The following SRPK1 variants were observed in gnomAD, a reference collection of about 807,000 sequenced individuals.
SRPK1 encodes the protein SRSF protein kinase 1.
A neutral mutation model predicts 89.5 loss-of-function variants in SRPK1; 52 were observed. The observed-to-expected ratio is 0.58, with a 90% CI of 0.46 to 0.73. The LOEUF is 0.73. Ranked by LOEUF, SRPK1 falls within the 30% of genes least tolerant of loss-of-function variation. The probability of loss-of-function intolerance (pLI) is 0.00; values close to 1 mark genes in which losing one functional copy is unlikely to be tolerated. For missense variants in SRPK1, 603 were observed against 780.6 expected (o/e 0.77, Z 2.71); for synonymous variants, 255 against 270.2 (o/e 0.94, Z 0.55).
At chr6:35,862,102 C>G (rs558301613) in intron 12 of SRPK1, among the ~76,000 whole-genome samples, 24 of 151,698 alleles carry the variant, frequency 1.6e-4, no homozygotes, top group African/African-American at 4.4e-4. Flanking sequence ...AACAACAACA[C>G]AGACTGCTTG....
In SRPK1 at chr6:35,864,500, T is replaced by C. The variant is rs114826798; in HGVS notation, c.1512+4510A>G. On this transcript the variant is annotated intron_variant, in intron 12 of 15. Transcript: ENST00000373825. ...AAGGCAAATCAAAGCTACAAGAGCA[T>C]CTCACCCCAGTTAAAATGGCTTACG... Among the ~76,000 whole-genome samples, 1,059 of 152,214 alleles carry C rather than the reference T, an allele frequency of 7.0e-3. 10 individuals are homozygous for C. Among genetic ancestry groups the C allele is most frequent in the African/African-American group, 0.02 (827 of 41,532 alleles).
chr6:35,913,860 C>T (rs113974609), intron 2 of SRPK1, among the ~76,000 whole-genome samples: 2,374 of 151,096 alleles, frequency 0.016, 24 homozygotes, highest in Middle Eastern at 0.038. Context: ...GACAAATTTG[C>T]CACGGTTTTA....
At chr6:35,848,522 A>G (rs1018306075) in intron 13 of SRPK1, among the ~76,000 whole-genome samples, 1 of 152,226 alleles carries the variant, frequency 6.6e-6, no homozygotes, top group Non-Finnish European at 1.5e-5. Flanking sequence ...GCGCCACTGC[A>G]CTCCAGCCTG....
chr6:35,886,631 T>A, intron 6 of SRPK1, 93 bp downstream of exon 6: 1 of 748,808 alleles, frequency 1.3e-6, no homozygotes, highest in South Asian at 1.5e-5. Context: ...TAGTTTGCCT[T>A]AGAAAAGACA....
chr6:35,898,132 T>C (rs376500720), intron 2 of SRPK1, among the ~76,000 whole-genome samples: 220 of 145,268 alleles, frequency 1.5e-3, no homozygotes, highest in South Asian at 4.9e-3. Context: ...TAAGTACCCA[T>C]TGATCAACAA....
rs899743618 is a variant in SRPK1 at position 35,892,681 on chromosome 6, A to AACG, written c.75-1669_75-1668insCGT. The stretch of plus-strand genomic sequence containing the variant: ...CAACAACAACAACAACAACAACAAC[A>AACG]ACAACAACGACAACAACACAAAACA... On this transcript the variant is annotated intron_variant, in intron 2 of 15. Transcript: ENST00000373825. 3.5e-5 allele frequency among the ~76,000 whole-genome samples: 5 copies of AACG among 141,254 alleles called. No homozygotes were observed. In the South Asian group the frequency reaches 7.1e-4, roughly 20 times the overall value. 92.7% of individuals were successfully genotyped at this position (141,254 alleles called of 152,430 possible). A position where few individuals can be genotyped will look rare whatever the true frequency, so the allele number is the denominator to read the frequency against.
chr6:35,894,667 C>T (rs1157240172), intron 2 of SRPK1, among the ~76,000 whole-genome samples: 1 of 152,116 alleles, frequency 6.6e-6, no homozygotes, highest in Non-Finnish European at 1.5e-5. Flanking sequence ...AGTAATTAGA[C>T]TGTCATCATC....
chr6:35,870,441 G>A lies in SRPK1; in HGVS notation c.831C>T (p.Arg277=). Residue 277 remains arginine (R), a synonymous_variant, in exon 10 of 16, where the codon CGC becomes CGT. Transcript: ENST00000373825. ...KKKKLKKKQK[R]QAELLEKRMQ... is the part of the protein sequence containing the mutation. Reference sequence around the variant, plus strand: ...TTCGCTTCTCTAGTAATTCTGCCTGGCGCTTCTGCTTCTTCTTCAATTTCT... The same window carrying A: ...TTCGCTTCTCTAGTAATTCTGCCTGACGCTTCTGCTTCTTCTTCAATTTCT... The A allele has an allele frequency of 6.4e-7, 1 of 1,558,288 alleles. No homozygotes were observed. The highest frequency in any genetic ancestry group is 8.7e-7 in the Non-Finnish European group (1 of 1,149,804).
At chr6:35,883,915 A>G (rs376245158) in intron 6 of SRPK1, among the ~76,000 whole-genome samples, 1 of 151,734 alleles carries the variant, frequency 6.6e-6, no homozygotes, top group African/African-American at 2.4e-5. Flanking sequence ...TTGTATTTTT[A>G]GTAGAGATGA....
chr6:35,880,746 A>AAAAAAAAAAAAG (rs1770263877), intron 6 of SRPK1, among the ~76,000 whole-genome samples: 2 of 89,202 alleles, frequency 2.2e-5, no homozygotes, highest in Non-Finnish European at 4.5e-5. Context: ...AAAAAAAAAA[A>AAAAAAAAAAAAG]AAAAGAAAAG....
At chr6:35,881,925 A>G (rs1335945901) in intron 6 of SRPK1, among the ~76,000 whole-genome samples, 5 of 152,078 alleles carry the variant, frequency 3.3e-5, no homozygotes. Context: ...ACAGGTATAG[A>G]GCTTCAGTTT....
At chr6:35,904,445 A>G (rs1770806505) in intron 2 of SRPK1, among the ~76,000 whole-genome samples, 1 of 152,198 alleles carries the variant, frequency 6.6e-6, no homozygotes, top group South Asian at 2.1e-4. Flanking sequence ...TGAGGCAGAG[A>G]TTACATACTA....
chr6:35,919,464 A>G (rs1771180698), intron 2 of SRPK1, among the ~76,000 whole-genome samples: 1 of 152,220 alleles, frequency 6.6e-6, no homozygotes, highest in Non-Finnish European at 1.5e-5. Flanking sequence ...TAGACCGCAT[A>G]CGATGCCACA....
chr6:35,841,308 G>A (rs942657393), intron 14 of SRPK1, among the ~76,000 whole-genome samples: 7 of 152,098 alleles, frequency 4.6e-5, no homozygotes, highest in Admixed American at 4.6e-4. Flanking sequence ...TATTCATTAG[G>A]AATATTAGCA....
At chr6:35,912,314 GC>G (rs1770988226) in intron 2 of SRPK1, among the ~76,000 whole-genome samples, 1 of 152,152 alleles carries the variant, frequency 6.6e-6, no homozygotes, top group Non-Finnish European at 1.5e-5. Flanking sequence ...TAGCACCACT[GC>G]ACTCCAGCCT....
intron 5 of SRPK1, 132 bp downstream of exon 5, chr6:35,887,892 C>A: frequency 1.8e-6 from 1 of 565,066 alleles, no homozygotes; most frequent in Non-Finnish European, 2.9e-6. Context: ...TCTTCCTTTA[C>A]CTCTTTAAGG....
intron 2 of SRPK1, among the ~76,000 whole-genome samples, chr6:35,897,850 A>G (rs1770656256): frequency 6.6e-6 from 1 of 152,188 alleles, no homozygotes; most frequent in Admixed American, 6.5e-5. Context: ...TGCGTATTCT[A>G]TTGGAACAAA....
At chr6:35,836,304 T>G (rs9470123) in intron 15 of SRPK1, among the ~76,000 whole-genome samples, 51,403 of 151,468 alleles carry the variant, frequency 0.34, 8,969 homozygotes, top group South Asian at 0.45. Context: ...CCCCATCCAT[T>G]GAAAAACTGT....
At chr6:35,892,095 T>G (rs6929955) in intron 2 of SRPK1, among the ~76,000 whole-genome samples, 1 of 152,146 alleles carries the variant, frequency 6.6e-6, no homozygotes, top group Non-Finnish European at 1.5e-5. Context: ...CCCAAAAAGG[T>G]TGTACTAAGT....
Sources: gnomAD v4.1 joint callset for allele counts (sites outside exome capture counted in the v4.1 genomes callset) on GRCh38, gnomAD v4.1.1 for gene constraint, MANE v1.5 for transcripts, NCBI Gene and HGNC (gene_info 2026-07-23, HGNC 2026-07-21) for gene names.